The following PTPRG variants were observed in gnomAD, a reference collection of about 807,000 sequenced individuals.
PTPRG encodes receptor-type tyrosine-protein phosphatase gamma.
PTPRG carries 102 observed loss-of-function variants against 165.3 expected under a neutral mutation model. The ratio of observed to expected loss-of-function variants is 0.62; its 90% CI spans 0.53 to 0.73. PTPRG has a LOEUF of 0.73. Among genes scored for constraint, PTPRG ranks in the 30% least tolerant of loss-of-function variants. PTPRG has a pLI of 0.00. For synonymous variants in PTPRG, 675 were observed against 669.5 expected, an observed-to-expected ratio of 1.01 and a Z score of -0.13; for missense variants, 1,866 against 1,861.4, an observed-to-expected ratio of 1.00 and a Z score of -0.05.
At chr3:61,974,231 C>A (rs901284237) in intron 2 of PTPRG, among the ~76,000 whole-genome samples, 7 of 151,832 alleles carry the variant, frequency 4.6e-5, no homozygotes, top group African/African-American at 1.7e-4. Context: ...GTACATGGAA[C>A]TTTTTTTGTA....
intron 5 of PTPRG, among the ~76,000 whole-genome samples, chr3:62,117,186 T>A (rs1161583304): frequency 1.3e-5 from 2 of 152,174 alleles, no homozygotes; most frequent in Non-Finnish European, 2.9e-5. Flanking sequence ...AAATTATGTT[T>A]AAGGAGGCAA....
In PTPRG at chr3:62,203,479, C is replaced by T. The variant is rs1299548121; in HGVS notation, c.1684C>T (p.Pro562Ser). 1.3e-6 allele frequency: 2 copies of T among 1,574,662 alleles called. No homozygotes were observed. The highest frequency in any genetic ancestry group is 2.4e-5 in the East Asian group (1 of 42,356). The change falls in exon 12 of 30, where the codon CCA becomes TCA. Residue 562 changes from proline (P) to serine (S), a missense_variant. By Grantham distance (74) the Pro-to-Ser change is moderately conservative. Coordinates refer to ENST00000474889, the MANE Select transcript of PTPRG (RefSeq NM_002841.4). The surrounding 1 kb of genome is among the most constrained non-coding windows in gnomAD (Gnocchi z 6.4). ...VLATTEALAS[P>S]GPDGDSSPTK... ...AGCCACCACAGAGGCCTTGGCTTCT[C>T]CAGGGCCCGATGGTGATTCGTCACC...
intron 3 of PTPRG, 49 bp downstream of exon 3, chr3:61,989,853 T>G (rs1348308724): frequency 3.1e-6 from 5 of 1,591,316 alleles, no homozygotes; most frequent in Admixed American, 3.4e-5. Flanking sequence ...GAACTATTTT[T>G]GGATGTCTCT....
chr3:62,025,024 G>A (rs948764900), intron 4 of PTPRG, among the ~76,000 whole-genome samples: 23 of 152,282 alleles, frequency 1.5e-4, no homozygotes, highest in African/African-American at 5.5e-4. Context: ...CCAGGAGTAT[G>A]AAAGTCATGC....
intron 1 of PTPRG, among the ~76,000 whole-genome samples, chr3:61,657,855 C>T (rs576254211): frequency 9.2e-5 from 14 of 152,254 alleles, no homozygotes; most frequent in South Asian, 4.1e-4. Flanking sequence ...TTAAGTTGAT[C>T]GATAGCAGGC....
Position 62,275,869 on chromosome 3 carries a change from T to C in PTPRG, c.3466-4T>C, listed in dbSNP as rs186830326. 1.1e-4 allele frequency: 169 copies of C among 1,596,932 alleles called. No individual in the cohort carries two copies. The African/African-American group carries it at 2.0e-3, about 19-fold the overall frequency. Reference sequence around the variant, plus strand: ...TGAAGACTAAAATGTTTTTTCTTTTTCAGCTGGTCACACAGTGTAATGCAA... The same window carrying C: ...TGAAGACTAAAATGTTTTTTCTTTTCCAGCTGGTCACACAGTGTAATGCAA... On this transcript the variant is annotated splice_polypyrimidine_tract_variant and splice_region_variant and intron_variant, in intron 23 of 29. Transcript: ENST00000474889.
intron 4 of PTPRG, among the ~76,000 whole-genome samples, chr3:62,045,628 G>A (rs1700264513): frequency 6.6e-6 from 1 of 151,978 alleles, no homozygotes; most frequent in African/African-American, 2.4e-5. Context: ...AATGTCCTTA[G>A]TAATTTGTTA....
At chr3:62,098,142 A>T (rs547156560) in intron 5 of PTPRG, among the ~76,000 whole-genome samples, 1 of 152,222 alleles carries the variant, frequency 6.6e-6, no homozygotes, top group Non-Finnish European at 1.5e-5. Flanking sequence ...CAATTTATCA[A>T]GTGCCTTTAC....
intron 2 of PTPRG, among the ~76,000 whole-genome samples, chr3:61,899,431 T>G (rs868764617): frequency 1.3e-5 from 2 of 152,226 alleles, no homozygotes; most frequent in African/African-American, 2.4e-5. Context: ...GAAACAGTTG[T>G]GTTTGAGAGT....
chr3:61,888,322 G>GGT (rs2038108642), intron 2 of PTPRG, among the ~76,000 whole-genome samples: 1 of 149,408 alleles, frequency 6.7e-6, no homozygotes, highest in African/African-American at 2.5e-5. Flanking sequence ...AAAATGGGTT[G>GGT]TTTTTTTTGT....
intron 4 of PTPRG, among the ~76,000 whole-genome samples, chr3:62,034,964 G>A (rs576777119): frequency 7.9e-5 from 12 of 152,262 alleles, no homozygotes; most frequent in African/African-American, 2.4e-4. Context: ...GGACTGCACC[G>A]TATTGATTCA....
chr3:61,797,592 C>A (rs1292849411), intron 2 of PTPRG, among the ~76,000 whole-genome samples: 1 of 143,556 alleles, frequency 7.0e-6, no homozygotes, highest in Non-Finnish European at 1.5e-5. Context: ...CCCCCCCCCA[C>A]CCCCCCACCT....
At chr3:62,282,924 T>G in intron 28 of PTPRG, 55 bp downstream of exon 28, 1 of 1,520,148 alleles carries the variant, frequency 6.6e-7, no homozygotes, top group Non-Finnish European at 8.9e-7. Context: ...TTTAATTTCT[T>G]GTTGAAAGCA....
At chr3:62,279,277 T>G (rs1702346384) in intron 26 of PTPRG, among the ~76,000 whole-genome samples, 1 of 152,074 alleles carries the variant, frequency 6.6e-6, no homozygotes, top group Non-Finnish European at 1.5e-5. Context: ...TAAATATACT[T>G]GTAAGCAAAA....
At position 62,026,316 on chromosome 3, in the gene PTPRG, T is replaced by C. The variant is rs2041803210; in HGVS notation, c.519+22819T>C. ...GCAATGTTCTTGACATTCAAGTGTTTTTTATATTAACTACTTGTTCTTATT... is the reference window on the plus strand; with the variant it reads ...GCAATGTTCTTGACATTCAAGTGTTCTTTATATTAACTACTTGTTCTTATT... On this transcript the variant is annotated intron_variant, in intron 4 of 29. Coordinates refer to ENST00000474889, the MANE Select transcript of PTPRG (RefSeq NM_002841.4). Among the ~76,000 whole-genome samples the C allele has an allele frequency of 2.0e-5, 3 of 152,208 alleles. No individual in the cohort carries two copies. The South Asian group carries it at 6.2e-4, about 32-fold the overall frequency.
At chr3:62,038,572 A>G (rs1050589832) in intron 4 of PTPRG, among the ~76,000 whole-genome samples, 2 of 151,972 alleles carry the variant, frequency 1.3e-5, no homozygotes, top group African/African-American at 4.8e-5. Context: ...TAATTTTTAT[A>G]TTTTTGTAGA....
At chr3:61,691,152 C>G (rs2030179730) in intron 1 of PTPRG, among the ~76,000 whole-genome samples, 1 of 152,122 alleles carries the variant, frequency 6.6e-6, no homozygotes. Context: ...GTGCCTCATG[C>G]CTTTAGTCCC....
At chr3:62,251,345 C>T (rs982312245) in intron 15 of PTPRG, among the ~76,000 whole-genome samples, 1 of 152,146 alleles carries the variant, frequency 6.6e-6, no homozygotes, top group Admixed American at 6.6e-5. Flanking sequence ...CATAGCAAGA[C>T]TCCATCTCTA....
At chr3:61,884,229 A>C (rs1299106220) in intron 2 of PTPRG, among the ~76,000 whole-genome samples, 1 of 152,170 alleles carries the variant, frequency 6.6e-6, no homozygotes, top group Non-Finnish European at 1.5e-5. Context: ...ATGTTACTCC[A>C]ATCAAATGCT....
Sources: gnomAD v4.1 joint callset for allele counts (sites outside exome capture counted in the v4.1 genomes callset) on GRCh38, gnomAD v4.1.1 for gene constraint, Gnocchi (gnomAD v3.1) non-coding constraint, MANE v1.5 for transcripts, NCBI Gene and HGNC (gene_info 2026-07-23, HGNC 2026-07-21) for gene names.